The following CCDC18 variants were observed in gnomAD, a reference collection of about 807,000 sequenced individuals.
CCDC18 encodes the protein coiled-coil domain containing 18.
A neutral mutation model predicts 196.0 loss-of-function variants in CCDC18; 157 were observed. That is an observed-to-expected ratio of 0.80 (90% CI 0.70 to 0.91). CCDC18 has a LOEUF of 0.91. Ranked by LOEUF, CCDC18 falls within the 40% of genes least tolerant of loss-of-function variation. The pLI, the probability that CCDC18 is intolerant of heterozygous loss-of-function variation, is 0.00. For synonymous variants in CCDC18, 482 were observed against 529.2 expected (o/e 0.91, Z 1.22); for missense variants, 1,465 against 1,611.6 (o/e 0.91, Z 1.56).
At chr1:93,271,493 A>G in intron 28 of CCDC18, 2 of 985,278 alleles carry the variant, frequency 2.0e-6, no homozygotes, top group Non-Finnish European at 2.4e-6. Context: ...CTGTATCTTC[A>G]GGCTTCTTTA....
chr1:93,239,975 C>T (rs2893242), intron 21 of CCDC18, 79 bp downstream of exon 21: 104,895 of 1,005,062 alleles, frequency 0.1, 7,331 homozygotes, highest in East Asian at 0.29. Context: ...GCATTCTAGA[C>T]GTCTAAATTT....
rs189830464 is a variant in CCDC18, at chr1:93,210,882, C to T, written c.1290C>T (p.Cys430=). Residue 430 remains cysteine (C), a synonymous_variant, in exon 10 of 29, where the codon TGC becomes TGT. Coordinates refer to ENST00000690025, the MANE Select transcript of CCDC18 (RefSeq NM_001378204.1). ...GCTTCTCAAACAAGGAAGACCGTTGCATTGGCTGCTGTGAGGCAAATAAAT... is the reference window on the plus strand; with the variant it reads ...GCTTCTCAAACAAGGAAGACCGTTGTATTGGCTGCTGTGAGGCAAATAAAT... ...MSSFSNKEDR[C]IGCCEANKLV... 3.7e-4 allele frequency: 597 copies of T among 1,613,730 alleles called. No homozygotes were observed. In the African/African-American group the frequency reaches 7.4e-3, roughly 20 times the overall value.
chr1:93,245,140 A>G (rs1661323422), intron 21 of CCDC18, among the ~76,000 whole-genome samples: 1 of 152,230 alleles, frequency 6.6e-6, no homozygotes, highest in Non-Finnish European at 1.5e-5. Context: ...CCTGGCATAT[A>G]GGAAACATCC....
At chr1:93,213,022 C>T (rs926815558) in intron 11 of CCDC18, among the ~76,000 whole-genome samples, 5 of 152,094 alleles carry the variant, frequency 3.3e-5, no homozygotes, top group Admixed American at 6.5e-5. Flanking sequence ...CTAGATCCTG[C>T]GCATGTGCAG....
chr1:93,214,349 TG>T (rs1229049165), intron 11 of CCDC18, among the ~76,000 whole-genome samples: 1 of 152,206 alleles, frequency 6.6e-6, no homozygotes, highest in Admixed American at 6.5e-5. Context: ...TACATAAAAA[TG>T]TTCTTAATGA....
chr1:93,227,971 A>ATATATAT lies in CCDC18; in HGVS notation c.2292+1522_2292+1523insTATATAT, dbSNP rs1553175508. Among the ~76,000 whole-genome samples the ATATATAT allele has an allele frequency of 3.9e-3, 483 of 125,224 alleles. 2 individuals carry two copies. Among genetic ancestry groups the ATATATAT allele is most frequent in the Middle Eastern group, 7.9e-3 (2 of 252 alleles). 82.2% of individuals were successfully genotyped at this position (125,224 alleles called of 152,430 possible). On this transcript the variant is annotated intron_variant, in intron 17 of 28. Coordinates refer to ENST00000690025, the MANE Select transcript of CCDC18 (RefSeq NM_001378204.1). ...AGACCCTATCTCAAAAAAAAAAAAA[A>ATATATAT]ATATATATATATATATATTTATTTA...
intron 26 of CCDC18, among the ~76,000 whole-genome samples, chr1:93,264,137 C>A (rs1255590295): frequency 1.3e-5 from 2 of 152,090 alleles, no homozygotes; most frequent in African/African-American, 4.8e-5. Context: ...GGAAGTGTCA[C>A]ACTTTTAAAC....
In CCDC18 at chr1:93,207,167, T is replaced by C. The variant is rs761515961; in HGVS notation, c.978T>C (p.Asn326=). 24 of 1,605,940 alleles carry C rather than the reference T, an allele frequency of 1.5e-5. No homozygotes were observed. In the Middle Eastern group the frequency reaches 5.0e-4, roughly 33 times the overall value. ...KEKLRIMAVK[N]SEVMAQLTES... is the part of the protein sequence containing the mutation. ...AATTAAGGATCATGGCAGTGAAAAA[T>C]TCAGAAGTCATGGCACAACTAACTG... Residue 326 remains asparagine (N), a synonymous_variant, in exon 9 of 29, where the codon AAT becomes AAC. Transcript: ENST00000690025.
chr1:93,197,536 G>A (rs1383547397), intron 6 of CCDC18, among the ~76,000 whole-genome samples: 1 of 151,690 alleles, frequency 6.6e-6, no homozygotes, highest in Non-Finnish European at 1.5e-5. Flanking sequence ...ACATATATAT[G>A]TGTGTGTGTA....
intron 16 of CCDC18, among the ~76,000 whole-genome samples, chr1:93,223,962 A>T (rs1657886045): frequency 6.6e-6 from 1 of 151,952 alleles, no homozygotes; most frequent in Non-Finnish European, 1.5e-5. Context: ...GTTTGTATAC[A>T]ATGCAAGATG....
intron 11 of CCDC18, 132 bp downstream of exon 11, chr1:93,212,393 T>C (rs1655800256): frequency 2.0e-6 from 1 of 502,874 alleles, no homozygotes; most frequent in African/African-American, 2.0e-5. Context: ...GTTACATAGG[T>C]AAGCTTGTGT....
intron 4 of CCDC18, chr1:93,191,064 T>C: frequency 1.3e-6 from 1 of 743,204 alleles, no homozygotes; most frequent in Non-Finnish European, 2.3e-6. Context: ...TCACCATGTT[T>C]GCGGGAGTGC....
chr1:93,203,483 T>C (rs1021697689), intron 7 of CCDC18, among the ~76,000 whole-genome samples: 5 of 152,146 alleles, frequency 3.3e-5, no homozygotes, highest in African/African-American at 1.2e-4. Context: ...AGAGTTCATA[T>C]AGAATGAGAA....
At chr1:93,260,464 T>C (rs1663628265) in intron 26 of CCDC18, among the ~76,000 whole-genome samples, 1 of 152,132 alleles carries the variant, frequency 6.6e-6, no homozygotes, top group Non-Finnish European at 1.5e-5. Flanking sequence ...TTGTCTATAA[T>C]ATTGAAGTAT....
upstream of CCDC18, chr1:93,180,131 A>G (rs1290849304): frequency 6.2e-7 from 1 of 1,613,644 alleles, no homozygotes; most frequent in East Asian, 2.2e-5. Flanking sequence ...GGAAGGGTAA[A>G]GGTGAAGTCG....
intron 6 of CCDC18, among the ~76,000 whole-genome samples, chr1:93,196,864 A>G (rs1223344438): frequency 6.6e-6 from 1 of 152,222 alleles, no homozygotes; most frequent in Non-Finnish European, 1.5e-5. Context: ...CAGTTAAGTT[A>G]GAATATAACT....
Position 93,270,796 on chromosome 1 carries a change from AG to A in CCDC18, c.4337del (p.Gly1446ValfsTer4). 6.5e-7 allele frequency: 1 copy of A among 1,537,628 alleles called. No homozygotes were observed. The highest frequency in any genetic ancestry group is 8.8e-7 in the Non-Finnish European group (1 of 1,141,756). On this transcript the variant is annotated frameshift_variant, in exon 28 of 29. Transcript: ENST00000690025. LOFTEE classifies it high-confidence loss of function. ...TATTAAAAAAGTCTTCTATGCAAAC[AG>A]GTGCTGGTTTAAATCAGGTATGTAT... ...RLLKKSSMQT[G>X]AGLNQGENV
At chr1:93,266,474 A>C (rs1664521687) in intron 27 of CCDC18, among the ~76,000 whole-genome samples, 1 of 152,194 alleles carries the variant, frequency 6.6e-6, no homozygotes, top group Non-Finnish European at 1.5e-5. Flanking sequence ...AGAGACACAA[A>C]AAACCCTTCA....
chr1:93,217,717 T>A, intron 13 of CCDC18, 21 bp from the exon 14 acceptor site: 1 of 1,593,546 alleles, frequency 6.3e-7, no homozygotes, highest in Non-Finnish European at 8.5e-7. Flanking sequence ...TATACTCCTT[T>A]AAAGTGTTTT....
Sources: allele counts gnomAD v4.1 joint callset (sites outside exome capture counted in the v4.1 genomes callset), GRCh38; gene constraint gnomAD v4.1.1; transcripts MANE v1.5; gene names NCBI Gene and HGNC (gene_info 2026-07-23, HGNC 2026-07-21).